Variants in KATNBL1 observed in about 807,000 individuals in gnomAD.
KATNBL1 encodes the protein katanin regulatory subunit B1 like 1.
A neutral mutation model predicts 44.7 loss-of-function variants in KATNBL1; 28 were observed. The observed-to-expected ratio is 0.63, with a 90% CI of 0.46 to 0.86. The LOEUF is 0.86. Among genes scored for constraint, KATNBL1 ranks in the 40% least tolerant of loss-of-function variants. KATNBL1 has a pLI of 0.00. For synonymous variants in KATNBL1, 78 were observed against 114.9 expected, an observed-to-expected ratio of 0.68 and a Z score of 2.06; for missense variants, 272 against 350.7, an observed-to-expected ratio of 0.78 and a Z score of 1.79.
chr15:34,173,322 G>A (rs1889228745), intron 1 of KATNBL1, among the ~76,000 whole-genome samples: 1 of 152,180 alleles, frequency 6.6e-6, no homozygotes, highest in Non-Finnish European at 1.5e-5. Flanking sequence ...TTTCACAGTA[G>A]TAGGGAAGCT....
Position 34,205,675 on chromosome 15 carries a change from T to C in KATNBL1, c.-15+4276A>G, listed in dbSNP as rs1890276559. On this transcript the variant is annotated intron_variant, in intron 1 of 9. Coordinates refer to ENST00000256544, the MANE Select transcript of KATNBL1 (RefSeq NM_024713.3). ...GTTTGCATTTTGAATTCCTTCAAGA[T>C]ACTCAGAGCATCTGCGCAGTACTCC... is the stretch of plus-strand genomic sequence containing the variant. Among the ~76,000 whole-genome samples, 7 of 152,204 alleles carry C rather than the reference T, an allele frequency of 4.6e-5. No individual in the cohort carries two copies. In the South Asian group the frequency reaches 1.4e-3, roughly 32 times the overall value.
rs529676081 is a variant in KATNBL1, at chr15:34,196,453, G to A, written c.-15+13498C>T. On this transcript the variant is annotated intron_variant, in intron 1 of 9. Transcript: ENST00000256544. Reference sequence around the variant, plus strand: ...TAAAATAATTTTTAAATGACTGGGCGCGGTGCCTCATGCCTGTCAATCCCA... The same window carrying A: ...TAAAATAATTTTTAAATGACTGGGCACGGTGCCTCATGCCTGTCAATCCCA... 7.2e-4 allele frequency among the ~76,000 whole-genome samples: 110 copies of A among 151,770 alleles called. 1 individual carries two copies. The Middle Eastern group carries it at 0.014, about 19-fold the overall frequency.
chr15:34,179,786 C>T (rs1889464522), intron 1 of KATNBL1, among the ~76,000 whole-genome samples: 1 of 152,054 alleles, frequency 6.6e-6, no homozygotes, highest in Admixed American at 6.6e-5. Context: ...ATGGGTGCTC[C>T]CCCCCACCAT....
intron 1 of KATNBL1, among the ~76,000 whole-genome samples, chr15:34,192,775 T>G (rs1194801015): frequency 1.3e-5 from 2 of 152,082 alleles, no homozygotes; most frequent in Non-Finnish European, 2.9e-5. Flanking sequence ...ATGGAAAAAA[T>G]AATCTCTCTC....
chr15:34,172,713 T>C (rs983669593), intron 1 of KATNBL1, among the ~76,000 whole-genome samples: 3 of 151,822 alleles, frequency 2.0e-5, no homozygotes, highest in African/African-American at 7.3e-5. Flanking sequence ...GAATTCTGAC[T>C]AATCTTGTAA....
intron 1 of KATNBL1, among the ~76,000 whole-genome samples, chr15:34,191,185 A>ATATATATATT: frequency 8.5e-6 from 1 of 116,976 alleles, no homozygotes; most frequent in Non-Finnish European, 1.8e-5. Flanking sequence ...ATATATATAT[A>ATATATATATT]TATTTGGTAG....
intron 1 of KATNBL1, among the ~76,000 whole-genome samples, chr15:34,163,945 T>C (rs1316819223): frequency 6.6e-6 from 1 of 151,368 alleles, no homozygotes; most frequent in Non-Finnish European, 1.5e-5. Context: ...CAGGCTGGAG[T>C]GCGATGGCAC....
chr15:34,206,329 G>C (rs1244812639), intron 1 of KATNBL1, among the ~76,000 whole-genome samples: 1 of 152,154 alleles, frequency 6.6e-6, no homozygotes, highest in African/African-American at 2.4e-5. Flanking sequence ...GCAAAAAAGG[G>C]AGTCCTTTCA....
chr15:34,174,390 A>G (rs1156358473), intron 1 of KATNBL1, among the ~76,000 whole-genome samples: 1 of 152,236 alleles, frequency 6.6e-6, no homozygotes, highest in East Asian at 1.9e-4. Context: ...ACAAAACAAA[A>G]TAACAAACCA....
chr15:34,181,558 G>A (rs1889525751), intron 1 of KATNBL1, among the ~76,000 whole-genome samples: 1 of 144,092 alleles, frequency 6.9e-6, no homozygotes, highest in South Asian at 2.2e-4. Context: ...ACATATATAT[G>A]TCCATATATA....
chr15:34,155,914 A>T lies in KATNBL1; in HGVS notation c.118-1230T>A, dbSNP rs543932826. ...ATTTGGTACTCCTCGTGGGACTCTA[A>T]TTGCATCTAAATAAATGTGGGAGTC... On this transcript the variant is annotated intron_variant, in intron 2 of 9. Transcript: ENST00000256544. 3.3e-5 allele frequency among the ~76,000 whole-genome samples: 5 copies of T among 152,320 alleles called. No individual in the cohort carries two copies. In the East Asian group the frequency reaches 9.7e-4, roughly 29 times the overall value.
chr15:34,181,813 T>TATAC lies in KATNBL1; in HGVS notation c.-14-18124_-14-18123insGTAT, dbSNP rs1323370658. The stretch of plus-strand genomic sequence containing the variant: ...ATATATATCCATATATATACATATA[T>TATAC]ACATGTCCATATATATCCATATATA... On this transcript the variant is annotated intron_variant, in intron 1 of 9. Coordinates refer to ENST00000256544, the MANE Select transcript of KATNBL1 (RefSeq NM_024713.3). Among the ~76,000 whole-genome samples, 57 of 74,814 alleles carry TATAC rather than the reference T, an allele frequency of 7.6e-4. 3 individuals carry two copies. The highest frequency in any genetic ancestry group is 1.2e-3 in the African/African-American group (17 of 13,764). 49.1% of individuals were successfully genotyped at this position (74,814 alleles called of 152,430 possible). A position where few individuals can be genotyped will look rare whatever the true frequency, so the allele number is the denominator to read the frequency against.
At chr15:34,171,708 T>TG (rs1368316956) in intron 1 of KATNBL1, among the ~76,000 whole-genome samples, 6 of 152,102 alleles carry the variant, frequency 3.9e-5, no homozygotes, top group African/African-American at 1.4e-4. Flanking sequence ...AATGATAAAC[T>TG]GGATTAAGAA....
At chr15:34,192,289 T>C (rs762107167) in intron 1 of KATNBL1, among the ~76,000 whole-genome samples, 18 of 151,188 alleles carry the variant, frequency 1.2e-4, no homozygotes, top group Non-Finnish European at 1.8e-4. Context: ...CTGTAATCCC[T>C]GCTACTCAGG....
At chr15:34,187,181 G>A (rs996823594) in intron 1 of KATNBL1, among the ~76,000 whole-genome samples, 1 of 152,296 alleles carries the variant, frequency 6.6e-6, no homozygotes, top group Non-Finnish European at 1.5e-5. Flanking sequence ...ACGACCAGGC[G>A]GAAGAGAGAA....
intron 1 of KATNBL1, among the ~76,000 whole-genome samples, chr15:34,194,562 G>A (rs1041228355): frequency 6.6e-6 from 1 of 152,194 alleles, no homozygotes; most frequent in Non-Finnish European, 1.5e-5. Flanking sequence ...GGTGGAGGCT[G>A]CAGTTAAGCT....
At chr15:34,171,606 A>G (rs984670106) in intron 1 of KATNBL1, among the ~76,000 whole-genome samples, 1 of 152,262 alleles carries the variant, frequency 6.6e-6, no homozygotes, top group African/African-American at 2.4e-5. Context: ...AAAGGATTAT[A>G]AATCATGCTA....
chr15:34,150,814 T>C (rs897836554), intron 4 of KATNBL1, among the ~76,000 whole-genome samples: 6 of 152,224 alleles, frequency 3.9e-5, no homozygotes, highest in Admixed American at 6.5e-5. Context: ...TGTGTCCATA[T>C]GCACTAGCAC....
chr15:34,160,664 C>A (rs774495237), intron 2 of KATNBL1, among the ~76,000 whole-genome samples: 16 of 152,142 alleles, frequency 1.1e-4, no homozygotes, highest in Admixed American at 2.0e-4. Context: ...AACATTTCAA[C>A]ATTAGGCCTA....
Sources: gnomAD v4.1 joint callset for allele counts (sites outside exome capture counted in the v4.1 genomes callset) on GRCh38, gnomAD v4.1.1 for gene constraint, MANE v1.5 for transcripts, NCBI Gene and HGNC (gene_info 2026-07-23, HGNC 2026-07-21) for gene names.